Variants in ABCC11 observed in about 807,000 individuals in gnomAD.
ABCC11 encodes the protein ATP-binding cassette sub-family C member 11.
A neutral mutation model predicts 149.3 loss-of-function variants in ABCC11; 135 were observed. That is an observed-to-expected ratio of 0.90 (90% CI 0.79 to 1.04). The LOEUF (loss-of-function observed/expected upper bound fraction) is 1.04. ABCC11 is among the 50% of genes least tolerant of loss of function. ABCC11 has a pLI of 0.00. For missense variants in ABCC11, 1,680 were observed against 1,722.1 expected, an observed-to-expected ratio of 0.98 and a Z score of 0.43; for synonymous variants, 665 against 671.4, an observed-to-expected ratio of 0.99 and a Z score of 0.15.
intron 22 of ABCC11, 110 bp downstream of exon 22, chr16:48,186,843 T>C (rs1382428953): frequency 4.4e-6 from 6 of 1,349,964 alleles, no homozygotes; most frequent in Admixed American, 2.2e-5. Context: ...TCGAACAATG[T>C]GCTCTCTGAT....
At chr16:48,230,806 A>T (rs1353244866) in intron 2 of ABCC11, among the ~76,000 whole-genome samples, 1 of 151,948 alleles carries the variant, frequency 6.6e-6, no homozygotes, top group African/African-American at 2.4e-5. Context: ...ACCTCTTTGG[A>T]TTTTTATCTG....
chr16:48,170,008 G>A (rs955340861), intron 28 of ABCC11, 97 bp downstream of exon 28: 16 of 835,856 alleles, frequency 1.9e-5, no homozygotes. Context: ...ACAGAGCCCA[G>A]TGTCCCACGG....
At chr16:48,244,385 C>T in intron 1 of ABCC11, 1 of 1,537,840 alleles carries the variant, frequency 6.5e-7, no homozygotes, top group Non-Finnish European at 8.7e-7. Flanking sequence ...GAAAGGCTGC[C>T]AGCATGTCAT....
chr16:48,214,090 T>A (rs1969141627), intron 9 of ABCC11, among the ~76,000 whole-genome samples: 1 of 152,062 alleles, frequency 6.6e-6, no homozygotes, highest in African/African-American at 2.4e-5. Flanking sequence ...CTCCTGGAGG[T>A]GCCGAAAGAA....
At chr16:48,242,219 T>A (rs1194287315) in intron 1 of ABCC11, among the ~76,000 whole-genome samples, 1 of 152,040 alleles carries the variant, frequency 6.6e-6, no homozygotes, top group South Asian at 2.1e-4. Context: ...AACAACCCCA[T>A]CTAAAAGTGG....
At chr16:48,225,518 T>C (rs1210869299) in intron 4 of ABCC11, among the ~76,000 whole-genome samples, 1 of 152,258 alleles carries the variant, frequency 6.6e-6, no homozygotes, top group African/African-American at 2.4e-5. Flanking sequence ...CATGGTGTTG[T>C]CTAACATAAT....
intron 20 of ABCC11, 143 bp downstream of exon 20, chr16:48,192,377 G>A (rs1006006454): frequency 2.3e-6 from 2 of 885,400 alleles, no homozygotes; most frequent in Non-Finnish European, 3.3e-6. Context: ...CTGGAAGGTG[G>A]AGGTTGCCAT....
rs1971469056 is a variant in ABCC11, at chr16:48,247,420, A to G, written c.-125T>C. 6.6e-6 allele frequency: 1 copy of G among 152,514 alleles called. No homozygotes were observed. The highest frequency in any genetic ancestry group is 2.4e-5 in the African/African-American group (1 of 41,492). The allele number at this position is 152,514 out of a possible 1,614,324, so 9.4% of individuals were successfully genotyped here. ...GCTGGCACAGCCTTCAAAGAGCAGC[A>G]GAAGTAATTTGCTCCCAGCGTTCTT... On this transcript the variant is annotated 5_prime_UTR_variant, in exon 1 of 30. Coordinates refer to ENST00000356608, the MANE Select transcript of ABCC11 (RefSeq NM_001370497.1).
intron 6 of ABCC11, among the ~76,000 whole-genome samples, chr16:48,220,141 T>C (rs1281636240): frequency 1.3e-5 from 2 of 152,208 alleles, no homozygotes; most frequent in African/African-American, 4.8e-5. Flanking sequence ...ATACAGCAGG[T>C]GCTCAGAATA....
chr16:48,246,345 C>G (rs143862205), intron 1 of ABCC11, among the ~76,000 whole-genome samples: 10 of 152,298 alleles, frequency 6.6e-5, no homozygotes, highest in African/African-American at 9.6e-5. Flanking sequence ...GACTCTGCTC[C>G]TTCTGCTTAC....
chr16:48,232,194 G>A (rs1410589790), intron 1 of ABCC11: 8 of 614,492 alleles, frequency 1.3e-5, no homozygotes, highest in East Asian at 4.7e-5. Context: ...CCCCAACACC[G>A]CACCCTTGAT....
At chr16:48,234,382 T>A (rs1021140247) in intron 1 of ABCC11, among the ~76,000 whole-genome samples, 14 of 152,314 alleles carry the variant, frequency 9.2e-5, no homozygotes, top group Non-Finnish European at 1.6e-4. Flanking sequence ...ATTTTTTTTT[T>A]ATTAATGTTT....
chr16:48,178,720 G>T, intron 23 of ABCC11, 34 bp from the exon 24 acceptor site: 1 of 1,592,946 alleles, frequency 6.3e-7, no homozygotes, highest in Non-Finnish European at 8.6e-7. Context: ...GGGTCAAGAG[G>T]CTGCTGGGGT....
intron 7 of ABCC11, 98 bp downstream of exon 7, chr16:48,216,016 C>G: frequency 7.6e-7 from 1 of 1,314,042 alleles, no homozygotes; most frequent in East Asian, 2.3e-5. Context: ...ATTGAAAGGT[C>G]AACAAGAATC....
intron 13 of ABCC11, 74 bp downstream of exon 13, chr16:48,205,339 A>G: frequency 6.3e-7 from 1 of 1,586,212 alleles, no homozygotes; most frequent in South Asian, 1.1e-5. Flanking sequence ...TTGTCAGGTT[A>G]CCGTTTGAAG....
intron 1 of ABCC11, among the ~76,000 whole-genome samples, chr16:48,233,510 A>C (rs536601158): frequency 6.6e-6 from 1 of 152,326 alleles, no homozygotes; most frequent in South Asian, 2.1e-4. Flanking sequence ...GTATTAGATA[A>C]GAGAGAGTGA....
chr16:48,193,336 G>A (rs1323506454), intron 19 of ABCC11, among the ~76,000 whole-genome samples: 2 of 152,146 alleles, frequency 1.3e-5, no homozygotes, highest in East Asian at 3.9e-4. Context: ...AGTACTGTGG[G>A]AAAAGCATGG....
At chr16:48,197,782 G>T (rs1340682102) in intron 17 of ABCC11, among the ~76,000 whole-genome samples, 189 bp downstream of exon 17, 1 of 152,076 alleles carries the variant, frequency 6.6e-6, no homozygotes, top group Admixed American at 6.6e-5. Context: ...GATCCTTCAG[G>T]CCTCCTGCCC....
At position 48,167,234 on chromosome 16, in the gene ABCC11, T is replaced by A. The variant is rs750407405; in HGVS notation, c.*40A>T. ...TCGAAGCTGCACCTGTGTGAACCTC[T>A]GAGCTCAGCTGCCAGCCTCCATGAA... On this transcript the variant is annotated 3_prime_UTR_variant, in exon 30 of 30. Coordinates refer to ENST00000356608, the MANE Select transcript of ABCC11 (RefSeq NM_001370497.1). 3.8e-6 allele frequency: 3 copies of A among 779,460 alleles called. No homozygotes were observed. Among genetic ancestry groups the A allele is most frequent in the Admixed American group, 1.7e-5 (1 of 58,814 alleles). 48.3% of individuals were successfully genotyped at this position (779,460 alleles called of 1,614,324 possible). A position where few individuals can be genotyped will look rare whatever the true frequency, so the allele number is the denominator to read the frequency against.
Sources: allele counts gnomAD v4.1 joint callset (sites outside exome capture counted in the v4.1 genomes callset), GRCh38; gene constraint gnomAD v4.1.1; transcripts MANE v1.5; gene names NCBI Gene and HGNC (gene_info 2026-07-23, HGNC 2026-07-21).